Variants in LPA observed in about 807,000 individuals in gnomAD.
The protein encoded by LPA is lipoprotein(a).
LPA carries 199 observed loss-of-function variants against 197.9 expected under a neutral mutation model. That is an observed-to-expected ratio of 1.01 (90% CI 0.90 to 1.13). The LOEUF (loss-of-function observed/expected upper bound fraction) is 1.13. Among genes scored for constraint, LPA ranks in the 50% most tolerant of loss-of-function variants. The pLI, the probability that LPA is intolerant of heterozygous loss-of-function variation, is 0.00. For synonymous variants in LPA, 715 were observed against 639.5 expected (o/e 1.12, Z -1.78); for missense variants, 1,853 against 1,785.8 (o/e 1.04, Z -0.68).
chr6:160,557,932 T>TG (rs1023523099), intron 28 of LPA, among the ~76,000 whole-genome samples: 1 of 151,966 alleles, frequency 6.6e-6, no homozygotes, highest in African/African-American at 2.4e-5. Flanking sequence ...ATTTTTTTTT[T>TG]TTTTTGTGAC....
intron 35 of LPA, among the ~76,000 whole-genome samples, chr6:160,540,416 C>T (rs1320843798): frequency 6.6e-6 from 1 of 152,204 alleles, no homozygotes; most frequent in Non-Finnish European, 1.5e-5. Flanking sequence ...ACCTAAATCT[C>T]GTGTTCAACT....
At chr6:160,599,972 T>C (rs1325052972) in intron 19 of LPA, among the ~76,000 whole-genome samples, 1 of 152,208 alleles carries the variant, frequency 6.6e-6, no homozygotes, top group Non-Finnish European at 1.5e-5. Context: ...AGAGTGTTCA[T>C]GACGACATGG....
At chr6:160,590,871 G>A in intron 23 of LPA, 73 bp downstream of exon 23, 2 of 1,589,390 alleles carry the variant, frequency 1.3e-6, no homozygotes, top group Non-Finnish European at 1.7e-6. Context: ...GAAGGCTTCT[G>A]TATCACTAAG....
intron 28 of LPA, among the ~76,000 whole-genome samples, chr6:160,561,281 A>G (rs1368907829): frequency 6.6e-6 from 1 of 152,250 alleles, no homozygotes; most frequent in Non-Finnish European, 1.5e-5. Context: ...AGTTTTCTGC[A>G]TATGGCTAGC....
intron 27 of LPA, 86 bp downstream of exon 27, chr6:160,578,437 A>G: frequency 4.6e-6 from 7 of 1,531,058 alleles, no homozygotes; most frequent in African/African-American, 1.4e-5. Flanking sequence ...CCAACCCTCC[A>G]GTGTACCACT....
At chr6:160,539,328 G>A (rs769743045) in intron 36 of LPA, among the ~76,000 whole-genome samples, 5 of 152,150 alleles carry the variant, frequency 3.3e-5, no homozygotes, top group Middle Eastern at 3.2e-3. Flanking sequence ...TTTAAGTGAT[G>A]TAAGCAAAGG....
chr6:160,606,806 T>A, intron 16 of LPA, 148 bp from the exon 17 acceptor site: 1 of 1,251,280 alleles, frequency 8.0e-7, no homozygotes, highest in Middle Eastern at 2.6e-4. Context: ...CAAGCACAAA[T>A]GGCTCTCAAT....
At chr6:160,608,607 A>G (rs1779411504) in intron 16 of LPA, among the ~76,000 whole-genome samples, 2 of 152,116 alleles carry the variant, frequency 1.3e-5, no homozygotes, top group Non-Finnish European at 2.9e-5. Context: ...CGAAACGCCT[A>G]TTTGATGCAT....
At chr6:160,648,494 T>A (rs41269884) in intron 2 of LPA, among the ~76,000 whole-genome samples, 7,704 of 152,218 alleles carry the variant, frequency 0.051, 680 homozygotes, top group African/African-American at 0.18. Flanking sequence ...ATGTAGGAAA[T>A]CTTTTTATGT....
intron 28 of LPA, among the ~76,000 whole-genome samples, chr6:160,564,910 T>C (rs1778424270): frequency 6.6e-6 from 1 of 152,028 alleles, no homozygotes; most frequent in South Asian, 2.1e-4. Flanking sequence ...AGTACAGCAG[T>C]CTGAGATTGA....
chr6:160,576,792 T>C (rs866730597), intron 28 of LPA, among the ~76,000 whole-genome samples: 1 of 150,398 alleles, frequency 6.6e-6, no homozygotes, highest in African/African-American at 2.4e-5. Context: ...AATTGAAATT[T>C]AGAATGACAG....
intron 22 of LPA, among the ~76,000 whole-genome samples, chr6:160,593,450 C>A (rs952658561): frequency 6.6e-6 from 1 of 152,140 alleles, no homozygotes; most frequent in Non-Finnish European, 1.5e-5. Context: ...TACTTTTGCC[C>A]CTCATGTGCT....
At chr6:160,609,332 C>G (rs772210037) in intron 16 of LPA, among the ~76,000 whole-genome samples, 2 of 152,068 alleles carry the variant, frequency 1.3e-5, no homozygotes, top group Admixed American at 1.3e-4. Context: ...TCTTGTTCCT[C>G]ATTATCATTT....
At chr6:160,632,058 G>C (rs1242292931) in intron 8 of LPA, among the ~76,000 whole-genome samples, 61 of 149,858 alleles carry the variant, frequency 4.1e-4, no homozygotes, top group African/African-American at 1.5e-3. Flanking sequence ...ATTGTGTGTT[G>C]GGTAATGTTT....
At chr6:160,602,898 C>T (rs1350191080) in intron 18 of LPA, among the ~76,000 whole-genome samples, 1 of 152,022 alleles carries the variant, frequency 6.6e-6, no homozygotes, top group Non-Finnish European at 1.5e-5. Flanking sequence ...TAGCAAGACA[C>T]AGCTCTTTTT....
chr6:160,609,800 T>A (rs932692588), intron 16 of LPA, among the ~76,000 whole-genome samples: 6 of 151,800 alleles, frequency 4.0e-5, no homozygotes, highest in Admixed American at 6.6e-5. Flanking sequence ...AACTTGTGAG[T>A]TTTTGCATGT....
chr6:160,609,444 T>G (rs955515109), intron 16 of LPA, among the ~76,000 whole-genome samples: 4 of 152,162 alleles, frequency 2.6e-5, no homozygotes, highest in African/African-American at 9.7e-5. Flanking sequence ...TTTTCTCCAG[T>G]TTCTCGTGAG....
intron 28 of LPA, among the ~76,000 whole-genome samples, chr6:160,571,764 G>A (rs1778566157): frequency 6.6e-6 from 1 of 152,214 alleles, no homozygotes; most frequent in South Asian, 2.1e-4. Flanking sequence ...TCAGACTGCT[G>A]TGCTGGCAGC....
At chr6:160,558,701 C>T (rs1288729799) in intron 28 of LPA, among the ~76,000 whole-genome samples, 2 of 152,080 alleles carry the variant, frequency 1.3e-5, no homozygotes, top group East Asian at 1.9e-4. Flanking sequence ...CTGAAGAGGT[C>T]GAGTGGCTAC....
Sources: gnomAD v4.1 joint callset for allele counts (sites outside exome capture counted in the v4.1 genomes callset) on GRCh38, gnomAD v4.1.1 for gene constraint, MANE v1.5 for transcripts, NCBI Gene and HGNC (gene_info 2026-07-23, HGNC 2026-07-21) for gene names.